Variants in LRRC4C observed in about 807,000 individuals in gnomAD.
LRRC4C encodes leucine rich repeat containing 4C.
Under a neutral mutation model 33.6 loss-of-function variants are expected in LRRC4C, and 5 were observed. The observed-to-expected ratio is 0.15, with a 90% CI of 0.08 to 0.31. The LOEUF (loss-of-function observed/expected upper bound fraction) is 0.31. Ranked by LOEUF, LRRC4C falls within the 10% of genes least tolerant of loss-of-function variation. The pLI is 1.00. For missense variants in LRRC4C, 560 were observed against 796.7 expected, an observed-to-expected ratio of 0.70 and a Z score of 3.58; for synonymous variants, 329 against 302.0, an observed-to-expected ratio of 1.09 and a Z score of -0.93.
chr11:41,385,600 GA>G (rs1294930713), intron 1 of LRRC4C, among the ~76,000 whole-genome samples: 1 of 151,602 alleles, frequency 6.6e-6, no homozygotes, highest in Non-Finnish European at 1.5e-5. Flanking sequence ...TCATGCTTGT[GA>G]GATACAGCTA....
intron 1 of LRRC4C, among the ~76,000 whole-genome samples, chr11:41,255,583 C>A (rs1948773443): frequency 6.6e-6 from 1 of 151,882 alleles, no homozygotes. Flanking sequence ...ATGTTGCATG[C>A]CAGGCAAATT....
chr11:40,545,482 A>G (rs1222209929), intron 3 of LRRC4C, among the ~76,000 whole-genome samples: 1 of 152,064 alleles, frequency 6.6e-6, no homozygotes, highest in Non-Finnish European at 1.5e-5. Context: ...AGGGGATTAA[A>G]GAGGCAGGAA....
chr11:40,978,402 CG>C (rs1267442271), intron 1 of LRRC4C, among the ~76,000 whole-genome samples: 1 of 152,070 alleles, frequency 6.6e-6, no homozygotes, highest in Non-Finnish European at 1.5e-5. Context: ...TTTTACACTC[CG>C]GGGAATATTT....
intron 2 of LRRC4C, among the ~76,000 whole-genome samples, chr11:40,872,650 A>T (rs1217315968): frequency 6.6e-6 from 1 of 152,106 alleles, no homozygotes; most frequent in African/African-American, 2.4e-5. Flanking sequence ...TATTAATATG[A>T]AGCTTCCAGA....
At chr11:40,565,014 G>T (rs1324369665) in intron 3 of LRRC4C, among the ~76,000 whole-genome samples, 2 of 152,168 alleles carry the variant, frequency 1.3e-5, no homozygotes, top group Non-Finnish European at 2.9e-5. Flanking sequence ...AAGGGATTGG[G>T]TTACACTATC....
chr11:40,758,564 G>T (rs1425649714), intron 2 of LRRC4C, among the ~76,000 whole-genome samples: 4 of 151,970 alleles, frequency 2.6e-5, no homozygotes, highest in African/African-American at 9.7e-5. Flanking sequence ...TAATATATTA[G>T]TAATGAGTGT....
At chr11:40,314,047 A>G (rs890668607) in intron 4 of LRRC4C, among the ~76,000 whole-genome samples, 2 of 152,094 alleles carry the variant, frequency 1.3e-5, no homozygotes, top group Admixed American at 1.3e-4. Context: ...CAAGGAAACA[A>G]TGAACAGAAT....
intron 1 of LRRC4C, among the ~76,000 whole-genome samples, chr11:40,953,799 G>C (rs1486132477): frequency 6.6e-6 from 1 of 151,854 alleles, no homozygotes; most frequent in Non-Finnish European, 1.5e-5. Flanking sequence ...CTGTTCTAAA[G>C]CTGCAGTCAA....
intron 3 of LRRC4C, among the ~76,000 whole-genome samples, chr11:40,646,200 C>G (rs568230462): frequency 7.6e-4 from 116 of 152,160 alleles, no homozygotes; most frequent in South Asian, 5.0e-3. Context: ...GCTGCAGAGG[C>G]CATGATAGGC....
At chr11:41,284,140 T>G (rs1949750900) in intron 1 of LRRC4C, among the ~76,000 whole-genome samples, 1 of 152,200 alleles carries the variant, frequency 6.6e-6, no homozygotes, top group Non-Finnish European at 1.5e-5. Context: ...GCCAAAATAT[T>G]AACAATGATT....
intron 6 of LRRC4C, among the ~76,000 whole-genome samples, chr11:40,140,420 A>C (rs1002728043): frequency 3.3e-5 from 5 of 152,160 alleles, no homozygotes; most frequent in African/African-American, 1.2e-4. Flanking sequence ...AGTTCTGTCC[A>C]TGAGCCACCA....
At chr11:41,045,743 C>T (rs943219034) in intron 1 of LRRC4C, among the ~76,000 whole-genome samples, 1 of 152,030 alleles carries the variant, frequency 6.6e-6, no homozygotes, top group African/African-American at 2.4e-5. Flanking sequence ...GTACTGACTT[C>T]CATCTAGAAA....
intron 1 of LRRC4C, among the ~76,000 whole-genome samples, chr11:41,326,580 T>A (rs574504739): frequency 8.5e-5 from 13 of 152,246 alleles, no homozygotes; most frequent in South Asian, 2.1e-4. Context: ...ATATAAAAAA[T>A]TTAAAAATGC....
chr11:40,810,136 T>C lies in LRRC4C; in HGVS notation c.-407+123499A>G, dbSNP rs577731967. Among the ~76,000 whole-genome samples the C allele has an allele frequency of 2.0e-5, 3 of 152,306 alleles. No individual in the cohort carries two copies. In the South Asian group the frequency reaches 6.2e-4, roughly 32 times the overall value. ...TGGATTTCCAACTCAACCAGTTTAC[T>C]CAAATCACTATTGTTCAGGTTACCA... On this transcript the variant is annotated intron_variant, in intron 2 of 6. Transcript: ENST00000528697.
At chr11:40,622,918 T>C (rs1049415893) in intron 3 of LRRC4C, among the ~76,000 whole-genome samples, 2 of 151,880 alleles carry the variant, frequency 1.3e-5, no homozygotes, top group African/African-American at 4.8e-5. Context: ...CTTGGGAAGA[T>C]CTACCCATTA....
chr11:41,209,843 C>G (rs1039494443), intron 1 of LRRC4C, among the ~76,000 whole-genome samples: 9 of 151,956 alleles, frequency 5.9e-5, no homozygotes, highest in African/African-American at 2.2e-4. Flanking sequence ...AGCCTTAACC[C>G]ACAATATGAC....
chr11:40,893,720 C>T (rs1955815062), intron 2 of LRRC4C, among the ~76,000 whole-genome samples: 1 of 151,932 alleles, frequency 6.6e-6, no homozygotes, highest in African/African-American at 2.4e-5. Flanking sequence ...GGAAGAATGT[C>T]ATAGTGTTCA....
At chr11:41,312,354 A>C (rs1371755835) in intron 1 of LRRC4C, among the ~76,000 whole-genome samples, 1 of 152,216 alleles carries the variant, frequency 6.6e-6, no homozygotes, top group Admixed American at 6.5e-5. Flanking sequence ...CATTTTAAGA[A>C]TCAAAGGAGT....
chr11:41,192,836 A>C (rs1021239647), intron 1 of LRRC4C, among the ~76,000 whole-genome samples: 30 of 152,104 alleles, frequency 2.0e-4, no homozygotes, highest in African/African-American at 7.0e-4. Context: ...TTTTGCTTAA[A>C]AAATGTCAGG....
Sources: gnomAD v4.1 joint callset for allele counts (sites outside exome capture counted in the v4.1 genomes callset) on GRCh38, gnomAD v4.1.1 for gene constraint, MANE v1.5 for transcripts, NCBI Gene and HGNC (gene_info 2026-07-23, HGNC 2026-07-21) for gene names.